Variants in DOK5 observed in about 807,000 individuals in gnomAD.
The protein encoded by DOK5 is downstream of tyrosine kinase 5.
DOK5 carries 27 observed loss-of-function variants against 43.3 expected under a neutral mutation model. That is an observed-to-expected ratio of 0.62 (90% CI 0.46 to 0.86). The LOEUF is 0.86. Ranked by LOEUF, DOK5 falls within the 40% of genes least tolerant of loss-of-function variation. DOK5 has a pLI of 0.00. For missense variants in DOK5, 373 were observed against 392.9 expected (o/e 0.95, Z 0.43); for synonymous variants, 146 against 140.1 (o/e 1.04, Z -0.30).
chr20:54,585,540 G>T (rs1225316604), intron 2 of DOK5, among the ~76,000 whole-genome samples: 1 of 152,128 alleles, frequency 6.6e-6, no homozygotes, highest in Non-Finnish European at 1.5e-5. Context: ...TGGCACACGT[G>T]CTCTACCTCC....
chr20:54,608,484 T>C (rs1439320168), intron 5 of DOK5, among the ~76,000 whole-genome samples: 3 of 152,182 alleles, frequency 2.0e-5, no homozygotes, highest in African/African-American at 7.2e-5. Context: ...AGGGTTTAAG[T>C]ATTTTAAGAT....
chr20:54,639,377 C>T (rs1355199604), intron 6 of DOK5, among the ~76,000 whole-genome samples: 2 of 152,302 alleles, frequency 1.3e-5, no homozygotes, highest in Admixed American at 1.3e-4. Flanking sequence ...TTTTTATAAC[C>T]CCAAATCAAC....
At chr20:54,561,666 T>A (rs1984911087) in intron 2 of DOK5, among the ~76,000 whole-genome samples, 1 of 152,248 alleles carries the variant, frequency 6.6e-6, no homozygotes, top group Admixed American at 6.5e-5. Context: ...TTTATTTATT[T>A]ATTTTTAAGA....
chr20:54,517,254 T>C (rs755306262), intron 1 of DOK5, among the ~76,000 whole-genome samples: 3 of 152,202 alleles, frequency 2.0e-5, no homozygotes, highest in Non-Finnish European at 2.9e-5. Flanking sequence ...CTTAGCTTCA[T>C]TTTCTTCATC....
At chr20:54,492,372 T>C (rs1669387829) in intron 1 of DOK5, among the ~76,000 whole-genome samples, 1 of 152,138 alleles carries the variant, frequency 6.6e-6, no homozygotes, top group African/African-American at 2.4e-5. Context: ...TTAACGTATG[T>C]TGAAACACTT....
At chr20:54,644,722 A>AAACAAAAAAAAACC (rs1555839829) in intron 7 of DOK5, among the ~76,000 whole-genome samples, 7 of 146,568 alleles carry the variant, frequency 4.8e-5, no homozygotes, top group African/African-American at 1.8e-4. Context: ...AAAAAAAAAA[A>AAACAAAAAAAAACC]AACAAAATTT....
chr20:54,572,680 G>A (rs1985328567), intron 2 of DOK5, among the ~76,000 whole-genome samples: 3 of 152,108 alleles, frequency 2.0e-5, no homozygotes, highest in Admixed American at 2.0e-4. Flanking sequence ...AACGCAGGCA[G>A]CCCCCTTTTT....
At chr20:54,620,235 T>C (rs1986937007) in intron 6 of DOK5, among the ~76,000 whole-genome samples, 1 of 152,246 alleles carries the variant, frequency 6.6e-6, no homozygotes, top group Non-Finnish European at 1.5e-5. Context: ...TTTCATCTTT[T>C]ATTTATTGAT....
At chr20:54,537,118 G>T (rs1260239608) in intron 1 of DOK5, among the ~76,000 whole-genome samples, 1 of 152,144 alleles carries the variant, frequency 6.6e-6, no homozygotes, top group Admixed American at 6.5e-5. Context: ...TAATGCGGGG[G>T]CCTGTCAAGT....
chr20:54,565,185 C>T (rs1408671364), intron 2 of DOK5, among the ~76,000 whole-genome samples: 1 of 152,166 alleles, frequency 6.6e-6, no homozygotes, highest in Middle Eastern at 3.2e-3. Context: ...CCTCTCAACC[C>T]TATATATTCT....
intron 6 of DOK5, among the ~76,000 whole-genome samples, chr20:54,626,767 C>A (rs902463300): frequency 6.6e-6 from 1 of 152,190 alleles, no homozygotes; most frequent in African/African-American, 2.4e-5. Context: ...ACACGACTAA[C>A]CCCTAGTTTT....
intron 6 of DOK5, among the ~76,000 whole-genome samples, chr20:54,614,281 G>A (rs1986737962): frequency 6.6e-6 from 1 of 152,086 alleles, no homozygotes; most frequent in South Asian, 2.1e-4. Flanking sequence ...ATTTTCCCAT[G>A]TACTTAGAAA....
chr20:54,568,650 G>T (rs1180171054), intron 2 of DOK5, among the ~76,000 whole-genome samples: 2 of 151,912 alleles, frequency 1.3e-5, no homozygotes, highest in African/African-American at 2.4e-5. Flanking sequence ...AATGTTTCTG[G>T]CTGGGCGCAG....
intron 1 of DOK5, among the ~76,000 whole-genome samples, chr20:54,550,111 C>A (rs1251068306): frequency 1.3e-5 from 2 of 149,784 alleles, no homozygotes; most frequent in African/African-American, 5.0e-5. Context: ...GAACTCTTAC[C>A]AATGGCTCTT....
chr20:54,566,197 C>T (rs1985093956), intron 2 of DOK5, among the ~76,000 whole-genome samples: 1 of 148,332 alleles, frequency 6.7e-6, no homozygotes, highest in Non-Finnish European at 1.5e-5. Flanking sequence ...TGGCCTTCTT[C>T]ACGCAACATA....
In DOK5 at chr20:54,613,489, G is replaced by A. The variant is rs573602069; in HGVS notation, c.735+2966G>A. ...AACATAGTAAGTCATCCCTCTGCCC[G>A]CCACACAAGAACATACCTGTTTCTC... On this transcript the variant is annotated intron_variant, in intron 6 of 7. Coordinates refer to ENST00000262593, the MANE Select transcript of DOK5 (RefSeq NM_018431.5). Among the ~76,000 whole-genome samples the A allele has an allele frequency of 3.5e-4, 54 of 152,184 alleles. 1 individual carries two copies. The highest frequency in any genetic ancestry group is 1.2e-3 in the African/African-American group (49 of 41,534).
intron 6 of DOK5, among the ~76,000 whole-genome samples, chr20:54,636,510 C>T (rs894069200): frequency 1.3e-5 from 2 of 152,122 alleles, no homozygotes; most frequent in Non-Finnish European, 2.9e-5. Context: ...CCCCACTAGA[C>T]CTGTAACTCA....
At chr20:54,513,902 G>T (rs1381902515) in intron 1 of DOK5, among the ~76,000 whole-genome samples, 4 of 152,200 alleles carry the variant, frequency 2.6e-5, no homozygotes, top group Admixed American at 2.6e-4. Context: ...AAGTTTTTTT[G>T]AATTAGGACA....
At chr20:54,476,407 G>T (rs746184339) in intron 1 of DOK5, among the ~76,000 whole-genome samples, 1 of 152,110 alleles carries the variant, frequency 6.6e-6, no homozygotes, top group Non-Finnish European at 1.5e-5. Context: ...GGGATGGATC[G>T]GCTGGTTGAG....
Sources: gnomAD v4.1 joint callset for allele counts (sites outside exome capture counted in the v4.1 genomes callset) on GRCh38, gnomAD v4.1.1 for gene constraint, MANE v1.5 for transcripts, NCBI Gene and HGNC (gene_info 2026-07-23, HGNC 2026-07-21) for gene names.